CDKAL1: variants seen among roughly 807,000 people sequenced by gnomAD.
CDKAL1 encodes the protein CDKAL1 threonylcarbamoyladenosine tRNA methylthiotransferase.
In CDKAL1, 32 loss-of-function variants were observed where a neutral mutation model predicts 68.2. The ratio of observed to expected loss-of-function variants is 0.47; its 90% confidence interval spans 0.35 to 0.63. The LOEUF is 0.63. CDKAL1 is among the 30% of genes least tolerant of loss of function. The pLI is 0.00. For synonymous variants in CDKAL1, 234 were observed against 244.3 expected (o/e 0.96, Z 0.39); for missense variants, 606 against 696.7 (o/e 0.87, Z 1.47).
intron 9 of CDKAL1, among the ~76,000 whole-genome samples, chr6:20,937,083 T>TC (rs1491114049): frequency 5.9e-5 from 9 of 151,830 alleles, no homozygotes; most frequent in Middle Eastern, 3.4e-3. Context: ...GTGTTTTTTT[T>TC]CTCTCTTTCT....
At chr6:20,580,573 CACTT>C (rs1012792462) in intron 4 of CDKAL1, among the ~76,000 whole-genome samples, 1 of 152,148 alleles carries the variant, frequency 6.6e-6, no homozygotes, top group Non-Finnish European at 1.5e-5. Context: ...CTTCATGGAA[CACTT>C]ACTTTTTACT....
chr6:20,864,112 G>A (rs1452577535), intron 9 of CDKAL1, among the ~76,000 whole-genome samples: 1 of 152,126 alleles, frequency 6.6e-6, no homozygotes, highest in Non-Finnish European at 1.5e-5. Flanking sequence ...CCCAGCATTT[G>A]AATGTTTTCA....
intron 15 of CDKAL1, among the ~76,000 whole-genome samples, chr6:21,226,099 G>T (rs780574877): frequency 6.6e-6 from 1 of 152,134 alleles, no homozygotes; most frequent in Non-Finnish European, 1.5e-5. Flanking sequence ...TCCTAGAACC[G>T]GTTCCATCTG....
chr6:20,911,409 A>G (rs773999998), intron 9 of CDKAL1, among the ~76,000 whole-genome samples: 6 of 152,172 alleles, frequency 3.9e-5, no homozygotes, highest in Non-Finnish European at 5.9e-5. Context: ...GTTGAGTTAG[A>G]TTGTCTTCTT....
At chr6:20,867,811 A>T (rs1759987761) in intron 9 of CDKAL1, among the ~76,000 whole-genome samples, 1 of 152,054 alleles carries the variant, frequency 6.6e-6, no homozygotes, top group African/African-American at 2.4e-5. Flanking sequence ...CCTATCCCTA[A>T]CCCAAACTAG....
chr6:20,569,939 G>C (rs1001810658), intron 4 of CDKAL1, among the ~76,000 whole-genome samples: 7 of 152,098 alleles, frequency 4.6e-5, no homozygotes, highest in African/African-American at 7.2e-5. Context: ...GCTTTAATAC[G>C]TGTATCTGAG....
chr6:20,897,607 A>G (rs1394181909), intron 9 of CDKAL1, among the ~76,000 whole-genome samples: 2 of 152,188 alleles, frequency 1.3e-5, no homozygotes, highest in Non-Finnish European at 2.9e-5. Flanking sequence ...CTTCAGTTAT[A>G]TATTCAGATA....
chr6:20,585,964 C>T (rs1765338053), intron 4 of CDKAL1, among the ~76,000 whole-genome samples: 1 of 152,144 alleles, frequency 6.6e-6, no homozygotes, highest in Admixed American at 6.5e-5. Context: ...ATCTCCCCCA[C>T]AAATCTGTTG....
chr6:20,957,718 C>T (rs940491972), intron 10 of CDKAL1, among the ~76,000 whole-genome samples: 1 of 152,058 alleles, frequency 6.6e-6, no homozygotes, highest in Non-Finnish European at 1.5e-5. Flanking sequence ...CACCTGTAAT[C>T]CCAGCCCTTT....
chr6:21,079,974 C>CTGTGTGTGTGTGTGTG (rs1206773584), intron 12 of CDKAL1, among the ~76,000 whole-genome samples: 7 of 20,484 alleles, frequency 3.4e-4, no homozygotes, highest in Middle Eastern at 0.033. Flanking sequence ...TCAACTTTGT[C>CTGTGTGTGTGTGTGTG]TCTGTGTGTG....
At chr6:20,827,041 A>G (rs906124929) in intron 8 of CDKAL1, among the ~76,000 whole-genome samples, 1 of 152,202 alleles carries the variant, frequency 6.6e-6, no homozygotes, top group African/African-American at 2.4e-5. Context: ...CAACAATACT[A>G]TGATCAAAAA....
chr6:21,155,929 A>G (rs1776619572), intron 13 of CDKAL1, among the ~76,000 whole-genome samples: 2 of 152,198 alleles, frequency 1.3e-5, no homozygotes, highest in Admixed American at 6.5e-5. Context: ...CAACCTAAAT[A>G]TCCCATAGTG....
intron 8 of CDKAL1, among the ~76,000 whole-genome samples, chr6:20,815,223 T>A (rs1776994290): frequency 1.3e-5 from 2 of 152,130 alleles, no homozygotes; most frequent in South Asian, 2.1e-4. Context: ...TTTTAAAAAA[T>A]TTTTTGTCAG....
chr6:21,159,261 A>G (rs1206587926), intron 13 of CDKAL1, among the ~76,000 whole-genome samples: 1 of 152,170 alleles, frequency 6.6e-6, no homozygotes, highest in Non-Finnish European at 1.5e-5. Flanking sequence ...AAATCTGGCA[A>G]TAATGAAACA....
At chr6:21,058,047 G>A (rs931892150) in intron 11 of CDKAL1, among the ~76,000 whole-genome samples, 3 of 152,190 alleles carry the variant, frequency 2.0e-5, no homozygotes, top group African/African-American at 7.2e-5. Context: ...CCAGAGCTGA[G>A]TTTAAATCCT....
Position 20,694,044 on chromosome 6 carries a change from G to GTGTGTGTGTGTGTATA in CDKAL1, c.371+44680_371+44681insATATGTGTGTGTGTGT, listed in dbSNP as rs1165342767. Among the ~76,000 whole-genome samples, 202 of 74,318 alleles carry GTGTGTGTGTGTGTATA rather than the reference G, an allele frequency of 2.7e-3. 4 individuals are homozygous for GTGTGTGTGTGTGTATA. Among genetic ancestry groups the GTGTGTGTGTGTGTATA allele is most frequent in the African/African-American group, 0.014 (183 of 13,508 alleles). 48.8% of individuals were successfully genotyped at this position (74,318 alleles called of 152,430 possible). A position where few individuals can be genotyped will look rare whatever the true frequency, so the allele number is the denominator to read the frequency against. On this transcript the variant is annotated intron_variant, in intron 5 of 15. Coordinates refer to ENST00000274695, the MANE Select transcript of CDKAL1 (RefSeq NM_017774.3). The stretch of plus-strand genomic sequence containing the variant: ...CACACTAACACACCCGGCTAACTTT[G>GTGTGTGTGTGTGTATA]TGTGTGTGTGTGTGTGTATGTGTGT...
chr6:20,914,894 A>G (rs1762651734), intron 9 of CDKAL1, among the ~76,000 whole-genome samples: 5 of 152,196 alleles, frequency 3.3e-5, no homozygotes. Flanking sequence ...GCTCACCTCT[A>G]AACTCACGTA....
chr6:20,635,848 T>C (rs983412736), intron 4 of CDKAL1, among the ~76,000 whole-genome samples: 1 of 152,258 alleles, frequency 6.6e-6, no homozygotes, highest in African/African-American at 2.4e-5. Context: ...ATGGGAACTT[T>C]CACAAGGAAA....
intron 13 of CDKAL1, among the ~76,000 whole-genome samples, chr6:21,115,359 G>A (rs1269865182): frequency 1.3e-5 from 2 of 152,196 alleles, no homozygotes. Flanking sequence ...AGAGAGATGT[G>A]GGTTTGGATT....
Sources: allele counts gnomAD v4.1 joint callset (sites outside exome capture counted in the v4.1 genomes callset), GRCh38; gene constraint gnomAD v4.1.1; transcripts MANE v1.5; gene names NCBI Gene and HGNC (gene_info 2026-07-23, HGNC 2026-07-21).